Variants in PRMT2 observed in about 807,000 individuals in gnomAD.
PRMT2 encodes the protein protein arginine N-methyltransferase 2.
In PRMT2, 26 loss-of-function variants were observed where a neutral mutation model predicts 57.6. That is an observed-to-expected ratio of 0.45 (90% CI 0.33 to 0.63). The LOEUF (loss-of-function observed/expected upper bound fraction) is 0.63, where lower values mean the gene tolerates loss of function less well. Among genes scored for constraint, PRMT2 ranks in the 20% least tolerant of loss-of-function variants. The pLI, the probability that PRMT2 is intolerant of heterozygous loss-of-function variation, is 0.02. For missense variants in PRMT2, 472 were observed against 564.4 expected (o/e 0.84, Z 1.66); for synonymous variants, 219 against 220.0 (o/e 1.00, Z 0.04).
At chr21:46,659,131 G>A in intron 8 of PRMT2, 1 of 1,279,082 alleles carries the variant, frequency 7.8e-7, no homozygotes, top group Non-Finnish European at 9.9e-7. Context: ...TAGAATGCAA[G>A]GAACAAAAAT....
At chr21:46,657,958 T>C (rs529583254) in intron 7 of PRMT2, 47 of 152,390 alleles carry the variant, frequency 3.1e-4, no homozygotes, top group African/African-American at 1.0e-3. Flanking sequence ...TTCTAAGTTT[T>C]CTACATTTTC....
rs1042036002 is a variant in PRMT2, at chr21:46,660,737, C to T, written c.831-96C>T. On this transcript the variant is annotated intron_variant, in intron 8 of 11. Coordinates refer to ENST00000355680, the MANE Select transcript of PRMT2 (RefSeq NM_206962.4). ...ATAGTGGCTTAGCATCCTGGTGACA[C>T]AGAAGGGAGAGCACTCACCGCGGTC... is the stretch of plus-strand genomic sequence containing the variant. The T allele has an allele frequency of 4.8e-6, 7 of 1,458,130 alleles. No homozygotes were observed. In the South Asian group the frequency reaches 7.8e-5, roughly 16 times the overall value. 90.3% of individuals were successfully genotyped at this position (1,458,130 alleles called of 1,614,324 possible).
At position 46,663,455 on chromosome 21, in the gene PRMT2, G is replaced by C; in HGVS notation, c.1170G>C (p.Thr390=). 1.2e-6 allele frequency: 2 copies of C among 1,614,204 alleles called. No homozygotes were observed. Among genetic ancestry groups the C allele is most frequent in the South Asian group, 2.2e-5 (2 of 91,088 alleles). The change falls in exon 11 of 12, where the codon ACG becomes ACC. Residue 390 remains threonine, a synonymous_variant. Transcript: ENST00000355680. ...CTGTCCATACAGGAGACGTGGTCACGGGTTCAGTTGTGTTGCAGAGAAACC... is the reference window on the plus strand; with the variant it reads ...CTGTCCATACAGGAGACGTGGTCACCGGTTCAGTTGTGTTGCAGAGAAACC... ...PVPVHTGDVV[T]GSVVLQRNPV...
intron 4 of PRMT2, 125 bp downstream of exon 4, chr21:46,643,764 G>T: frequency 8.3e-7 from 1 of 1,199,694 alleles, no homozygotes; most frequent in East Asian, 2.9e-5. Context: ...GGCCACACAA[G>T]ACCTGTGTGT....
At chr21:46,661,530 C>G (rs938103043) in intron 9 of PRMT2, 6 of 282,484 alleles carry the variant, frequency 2.1e-5, no homozygotes, top group African/African-American at 6.7e-5. Flanking sequence ...CTCTCCAACT[C>G]CTTAACTGGA....
chr21:46,648,357 G>A lies in PRMT2; in HGVS notation c.328-101G>A, dbSNP rs1377025636. The A allele has an allele frequency of 7.7e-7, 1 of 1,296,398 alleles. No individual in the cohort carries two copies. Among genetic ancestry groups the A allele is most frequent in the Non-Finnish European group, 1.1e-6 (1 of 923,444 alleles). 80.3% of individuals were successfully genotyped at this position (1,296,398 alleles called of 1,614,324 possible). On this transcript the variant is annotated intron_variant, in intron 5 of 11. Transcript: ENST00000355680. The surrounding 1 kb of genome is among the most constrained non-coding windows in gnomAD (Gnocchi z 4.8). ...CCATAGTCTTCCATAGGGGTGTTGG[G>A]GTCAGGGGTCATCAGCTGTGGCTCT...
intron 7 of PRMT2, among the ~76,000 whole-genome samples, chr21:46,651,092 C>G (rs948973633): frequency 1.3e-5 from 2 of 152,188 alleles, no homozygotes; most frequent in Admixed American, 1.3e-4. Flanking sequence ...CCAGCCCCAG[C>G]ATGCAGAGAG....
intron 8 of PRMT2, chr21:46,659,383 T>C (rs1432462840): frequency 1.2e-5 from 12 of 986,276 alleles, no homozygotes; most frequent in African/African-American, 3.5e-5. Context: ...GCAGTCTATG[T>C]GGCAGAAATC....
chr21:46,646,180 G>A (rs979877861), intron 5 of PRMT2, among the ~76,000 whole-genome samples: 2 of 152,188 alleles, frequency 1.3e-5, no homozygotes, highest in Non-Finnish European at 1.5e-5. Context: ...TTGGATATAG[G>A]TATAGAGGTG....
intron 9 of PRMT2, chr21:46,661,586 TG>T: frequency 2.6e-6 from 1 of 391,500 alleles, no homozygotes; most frequent in Non-Finnish European, 4.4e-6. Flanking sequence ...GGTAGAAAAT[TG>T]GGCGCAAGAA....
In PRMT2 at chr21:46,655,423, G is replaced by A. The variant is rs75404259; in HGVS notation, c.655-3322G>A. On this transcript the variant is annotated intron_variant, in intron 7 of 11. Transcript: ENST00000355680. The stretch of plus-strand genomic sequence containing the variant: ...GTTCAATATTTGAAAATCAATCAGT[G>A]TAATCTACCATATTAACAGTCTGAA... Among the ~76,000 whole-genome samples, 974 of 152,174 alleles carry A rather than the reference G, an allele frequency of 6.4e-3. 12 individuals carry two copies. The highest frequency in any genetic ancestry group is 0.022 in the African/African-American group (927 of 41,502).
At chr21:46,652,159 C>T (rs2032116292) in intron 7 of PRMT2, 2 of 1,434,618 alleles carry the variant, frequency 1.4e-6, no homozygotes, top group East Asian at 2.5e-5. Flanking sequence ...TTCTTCACAC[C>T]ATCTGCTAAA....
At position 46,649,399 on chromosome 21, in the gene PRMT2, T is replaced by G; in HGVS notation, c.490-176T>G. ...GTTGGGAGGGTTAGAGGCGGCTCCTTTCTGGGTGCCCCTGGAGGGGCAGGT... is the reference window on the plus strand; with the variant it reads ...GTTGGGAGGGTTAGAGGCGGCTCCTGTCTGGGTGCCCCTGGAGGGGCAGGT... On this transcript the variant is annotated intron_variant, in intron 6 of 11. Transcript: ENST00000355680. This position sits in a 1 kb window ranked among gnomAD's most constrained non-coding sequence, Gnocchi z 4.8. 1 of 967,336 alleles carries G rather than the reference T, an allele frequency of 1.0e-6. No homozygotes were observed. Among genetic ancestry groups the G allele is most frequent in the Non-Finnish European group, 1.6e-6 (1 of 625,232 alleles). The allele number at this position is 967,336 out of a possible 1,614,324, so 59.9% of individuals were successfully genotyped here. A position where few individuals can be genotyped will look rare whatever the true frequency, so the allele number is the denominator to read the frequency against.
intron 3 of PRMT2, among the ~76,000 whole-genome samples, chr21:46,637,773 ATGTGTG>A (rs753187692): frequency 1.3e-5 from 2 of 151,080 alleles, no homozygotes; most frequent in African/African-American, 2.4e-5. Context: ...ATATACATAT[ATGTGTG>A]TGTGTGTGTG....
intron 3 of PRMT2, among the ~76,000 whole-genome samples, chr21:46,640,264 A>G (rs2061248296): frequency 6.6e-6 from 1 of 152,102 alleles, no homozygotes; most frequent in African/African-American, 2.4e-5. Context: ...ATGAAGTAAA[A>G]TAAATAGTCT....
intron 7 of PRMT2, chr21:46,651,975 T>C (rs988731058): frequency 2.5e-6 from 4 of 1,613,342 alleles, no homozygotes; most frequent in Middle Eastern, 1.6e-4. Context: ...CCCTCAGGCC[T>C]TCATCTCTCC....
chr21:46,664,187 C>G (rs968420630), intron 11 of PRMT2, 108 bp from the exon 12 acceptor site: 20 of 878,606 alleles, frequency 2.3e-5, no homozygotes, highest in African/African-American at 1.3e-4. Flanking sequence ...TAAAAAAATT[C>G]TGCACCTGAA....
chr21:46,640,773 T>C (rs1457307959), intron 3 of PRMT2, among the ~76,000 whole-genome samples: 1 of 151,852 alleles, frequency 6.6e-6, no homozygotes, highest in East Asian at 1.9e-4. Context: ...TGCCTCATCT[T>C]CTGTCTTCTT....
intron 11 of PRMT2, among the ~76,000 whole-genome samples, chr21:46,664,001 T>C (rs1184232754): frequency 1.3e-5 from 2 of 152,206 alleles, no homozygotes; most frequent in African/African-American, 4.8e-5. Context: ...TGAATTCATG[T>C]GTAGCTCGCC....
Sources: gnomAD v4.1 joint callset for allele counts (sites outside exome capture counted in the v4.1 genomes callset) on GRCh38, gnomAD v4.1.1 for gene constraint, Gnocchi (gnomAD v3.1) non-coding constraint, MANE v1.5 for transcripts, NCBI Gene and HGNC (gene_info 2026-07-23, HGNC 2026-07-21) for gene names.